JAZF1: variants seen among roughly 807,000 people sequenced by gnomAD.
JAZF1 encodes the protein juxtaposed with another zinc finger protein 1.
In JAZF1, 8 loss-of-function variants were observed where a neutral mutation model predicts 26.4. The ratio of observed to expected loss-of-function variants is 0.30; its 90% CI spans 0.18 to 0.55. The LOEUF (loss-of-function observed/expected upper bound fraction) is 0.55, where lower values mean the gene tolerates loss of function less well. Ranked by LOEUF, JAZF1 falls within the 20% of genes least tolerant of loss-of-function variation. The probability of loss-of-function intolerance (pLI) is 0.94; values close to 1 mark genes in which losing one functional copy is unlikely to be tolerated. For missense variants in JAZF1, 199 were observed against 322.0 expected (o/e 0.62, Z 2.92); for synonymous variants, 126 against 122.3 (o/e 1.03, Z -0.20).
At chr7:28,116,918 G>C (rs927532123) in intron 1 of JAZF1, among the ~76,000 whole-genome samples, 2 of 151,690 alleles carry the variant, frequency 1.3e-5, no homozygotes, top group African/African-American at 4.9e-5. Context: ...CCGCCTCCCA[G>C]GTTCAAGCGA....
chr7:27,837,127 T>TG (rs1022239438), intron 4 of JAZF1, among the ~76,000 whole-genome samples: 2 of 152,180 alleles, frequency 1.3e-5, no homozygotes, highest in African/African-American at 4.8e-5. Context: ...AGAGGAACTT[T>TG]GGGGGGCGGG....
In JAZF1 at chr7:27,882,873, G is replaced by C. The variant is rs140975296; in HGVS notation, c.385+12347C>G. ...AGAAAAGGTGTCTTTGGAAATATAT[G>C]AGTTTGTCTGGGCTGTGAATTCTTC... On this transcript the variant is annotated intron_variant, in intron 3 of 4. Transcript: ENST00000283928. 4.6e-5 allele frequency among the ~76,000 whole-genome samples: 7 copies of C among 152,244 alleles called. No homozygotes were observed. The East Asian group carries it at 1.2e-3, about 25-fold the overall frequency.
At chr7:27,977,788 G>C (rs1005575231) in intron 2 of JAZF1, among the ~76,000 whole-genome samples, 1 of 152,154 alleles carries the variant, frequency 6.6e-6, no homozygotes, top group African/African-American at 2.4e-5. Flanking sequence ...TGCCTCCTCA[G>C]TTCAGCGAAG....
At chr7:27,941,720 A>AC (rs1452129006) in intron 2 of JAZF1, among the ~76,000 whole-genome samples, 5 of 152,158 alleles carry the variant, frequency 3.3e-5, no homozygotes, top group Non-Finnish European at 2.9e-5. Context: ...CCGTAGCAAA[A>AC]CCCTCACCAC....
intron 2 of JAZF1, among the ~76,000 whole-genome samples, chr7:27,991,346 C>G (rs964230440): frequency 1.3e-5 from 2 of 152,160 alleles, no homozygotes; most frequent in Admixed American, 1.3e-4. Context: ...GGCTGAAACA[C>G]TAAGTCCTCT....
intron 2 of JAZF1, among the ~76,000 whole-genome samples, chr7:27,982,495 G>A (rs10266749): frequency 0.049 from 7,389 of 152,138 alleles, 585 homozygotes; most frequent in African/African-American, 0.17. Flanking sequence ...AAGGAGGTCC[G>A]CCTGCCTCTG....
At chr7:28,147,649 A>G (rs1474049009) in intron 1 of JAZF1, among the ~76,000 whole-genome samples, 1 of 151,352 alleles carries the variant, frequency 6.6e-6, no homozygotes, top group African/African-American at 2.4e-5. Context: ...GGAGCTCAAG[A>G]CCAGCCTGGG....
At chr7:27,857,732 G>A (rs1013421047) in intron 3 of JAZF1, among the ~76,000 whole-genome samples, 12 of 152,144 alleles carry the variant, frequency 7.9e-5, no homozygotes, top group African/African-American at 1.9e-4. Flanking sequence ...AGGTATTGAC[G>A]GATCATCTCT....
chr7:28,140,811 A>G (rs555060405), intron 1 of JAZF1, among the ~76,000 whole-genome samples: 3 of 152,354 alleles, frequency 2.0e-5, no homozygotes, highest in African/African-American at 7.2e-5. Flanking sequence ...AAATACTAGG[A>G]AAGATCTTAG....
chr7:28,045,340 G>A (rs1180045019), intron 1 of JAZF1, among the ~76,000 whole-genome samples: 6 of 152,132 alleles, frequency 3.9e-5, no homozygotes, highest in Non-Finnish European at 7.3e-5. Flanking sequence ...CAAAAGAAGG[G>A]GAAGCTGCCA....
intron 1 of JAZF1, among the ~76,000 whole-genome samples, chr7:28,149,060 C>A (rs1211052675): frequency 6.6e-6 from 1 of 152,174 alleles, no homozygotes; most frequent in African/African-American, 2.4e-5. Context: ...AAAAATAACT[C>A]TTTGTCTCCT....
rs1447959194 is a variant in JAZF1 at position 27,983,961 on chromosome 7, G to A, written c.188+7948C>T. The stretch of plus-strand genomic sequence containing the variant: ...AGCTCCTGAAGGAAGCACTAAACAT[G>A]GAAAGGAACAACCAGTACCAGCCAC... On this transcript the variant is annotated intron_variant, in intron 2 of 4. Coordinates refer to ENST00000283928, the MANE Select transcript of JAZF1 (RefSeq NM_175061.4). Among the ~76,000 whole-genome samples, 64 of 152,104 alleles carry A rather than the reference G, an allele frequency of 4.2e-4. 1 individual carries two copies. Among genetic ancestry groups the A allele is most frequent in the Non-Finnish European group, 2.9e-5 (2 of 68,030 alleles).
At chr7:28,069,276 T>C (rs1170807593) in intron 1 of JAZF1, among the ~76,000 whole-genome samples, 3 of 152,226 alleles carry the variant, frequency 2.0e-5, no homozygotes, top group Non-Finnish European at 4.4e-5. Context: ...TCCTCACCAA[T>C]CAGCTGTTTT....
chr7:27,984,534 G>T (rs1173816847), intron 2 of JAZF1, among the ~76,000 whole-genome samples: 1 of 152,138 alleles, frequency 6.6e-6, no homozygotes, highest in Non-Finnish European at 1.5e-5. Context: ...GTCACCATTA[G>T]ACAGATCAAC....
intron 2 of JAZF1, among the ~76,000 whole-genome samples, chr7:27,917,313 G>A (rs1562528570): frequency 6.6e-6 from 1 of 152,184 alleles, no homozygotes; most frequent in African/African-American, 2.4e-5. Flanking sequence ...GTTCCAGCGT[G>A]CCTCTCCTCA....
chr7:27,894,533 G>C (rs754959643), intron 3 of JAZF1, among the ~76,000 whole-genome samples: 18 of 152,174 alleles, frequency 1.2e-4, no homozygotes, highest in Non-Finnish European at 2.2e-4. Flanking sequence ...CGAGGACCTG[G>C]AGGAGAGCAG....
intron 3 of JAZF1, among the ~76,000 whole-genome samples, chr7:27,862,262 T>C (rs1038050759): frequency 3.9e-5 from 6 of 152,198 alleles, no homozygotes; most frequent in Non-Finnish European, 2.9e-5. Flanking sequence ...GGTTTGTATA[T>C]TGTGTGATGC....
intron 1 of JAZF1, among the ~76,000 whole-genome samples, chr7:28,042,114 A>T (rs1176329773): frequency 1.3e-5 from 2 of 152,240 alleles, no homozygotes; most frequent in East Asian, 3.9e-4. Flanking sequence ...AGCACACAGG[A>T]TAGGTTTTGA....
intron 1 of JAZF1, among the ~76,000 whole-genome samples, chr7:28,090,817 G>GTTTTTTTT (rs11367530): frequency 5.9e-5 from 6 of 101,798 alleles, no homozygotes; most frequent in Admixed American, 2.2e-4. Flanking sequence ...TTTTTTAGTT[G>GTTTTTTTT]TTTTTTTTTT....
Sources: allele counts gnomAD v4.1 joint callset (sites outside exome capture counted in the v4.1 genomes callset), GRCh38; gene constraint gnomAD v4.1.1; transcripts MANE v1.5; gene names NCBI Gene and HGNC (gene_info 2026-07-23, HGNC 2026-07-21).